Variants in INPP5F observed in about 807,000 individuals in gnomAD.
The protein encoded by INPP5F is phosphatidylinositide 4-phosphatase SAC2.
INPP5F carries 97 observed loss-of-function variants against 137.2 expected under a neutral mutation model. The observed-to-expected ratio is 0.71, with a 90% confidence interval of 0.60 to 0.84. INPP5F has a LOEUF of 0.84. INPP5F is among the 40% of genes least tolerant of loss of function. The pLI, the probability that INPP5F is intolerant of heterozygous loss-of-function variation, is 0.00. For synonymous variants in INPP5F, 504 were observed against 476.9 expected (o/e 1.06, Z -0.74); for missense variants, 1,271 against 1,371.9 (o/e 0.93, Z 1.16).
intron 19 of INPP5F, among the ~76,000 whole-genome samples, chr10:119,825,264 G>T (rs1166903054): frequency 6.6e-6 from 1 of 152,154 alleles, no homozygotes; most frequent in Admixed American, 6.5e-5. Context: ...AGCATCCTCA[G>T]GTTGTGAATC....
chr10:119,792,008 A>G lies in INPP5F; in HGVS notation c.584A>G (p.Glu195Gly). 1 of 1,614,212 alleles carries G rather than the reference A, an allele frequency of 6.2e-7. No homozygotes were observed. Among genetic ancestry groups the G allele is most frequent in the Non-Finnish European group, 8.5e-7 (1 of 1,180,046 alleles). ...TCCGTGCAGAGGCAGAGCACTGGGGAGAGGGACGGTCGGCCCCTCTGGCAG... is the reference window on the plus strand; with the variant it reads ...TCCGTGCAGAGGCAGAGCACTGGGGGGAGGGACGGTCGGCCCCTCTGGCAG... ...TNSVQRQSTGERDGRPLWQKV... is the reference protein window; with the variant it reads ...TNSVQRQSTGGRDGRPLWQKV... Residue 195 changes from glutamate to glycine, a missense_variant, in exon 5 of 20, where the codon GAG becomes GGG. By Grantham distance (98) the Glu-to-Gly change is moderately conservative (BLOSUM62 -2). Around this residue, in one of 6 missense-constraint regions of INPP5F, gnomAD observed 593 missense variants for 712.4 expected, o/e 0.83. Coordinates refer to ENST00000650623, the MANE Select transcript of INPP5F (RefSeq NM_014937.4).
intron 3 of INPP5F, among the ~76,000 whole-genome samples, chr10:119,782,015 G>T (rs1228742807): frequency 6.6e-6 from 1 of 152,148 alleles, no homozygotes; most frequent in East Asian, 1.9e-4. Context: ...AATCCCTGGG[G>T]CTCTGTCCAC....
chr10:119,763,638 A>G (rs1293986782), intron 2 of INPP5F, among the ~76,000 whole-genome samples: 1 of 152,138 alleles, frequency 6.6e-6, no homozygotes, highest in Admixed American at 6.5e-5. Context: ...TACTCTCCTT[A>G]TCAGAGGGAC....
intron 1 of INPP5F, among the ~76,000 whole-genome samples, chr10:119,731,624 A>G (rs771988689): frequency 2.0e-5 from 3 of 152,236 alleles, no homozygotes; most frequent in Non-Finnish European, 2.9e-5. Context: ...AGATGGTGCC[A>G]CTGTACTCCA....
chr10:119,784,746 T>G (rs1403586923), intron 3 of INPP5F, among the ~76,000 whole-genome samples: 3 of 152,246 alleles, frequency 2.0e-5, no homozygotes, highest in Admixed American at 2.0e-4. Flanking sequence ...AGTATGTAAG[T>G]CAATGGTTTT....
intron 1 of INPP5F, among the ~76,000 whole-genome samples, chr10:119,741,523 T>C (rs1589666834): frequency 6.6e-6 from 1 of 152,106 alleles, no homozygotes; most frequent in East Asian, 1.9e-4. Context: ...TTTATTTTTA[T>C]TTATTAATTT....
At chr10:119,803,135 C>T (rs911105686) in intron 9 of INPP5F, among the ~76,000 whole-genome samples, 1 of 152,024 alleles carries the variant, frequency 6.6e-6, no homozygotes, top group African/African-American at 2.4e-5. Context: ...TAGCACTTTG[C>T]TTTCTTACCT....
At chr10:119,811,727 T>C (rs1464017988) in intron 14 of INPP5F, 30 bp from the exon 15 acceptor site, 1 of 1,535,044 alleles carries the variant, frequency 6.5e-7, no homozygotes, top group Non-Finnish European at 8.9e-7. Flanking sequence ...TAAACTAAAA[T>C]GATGATAGAT....
intron 6 of INPP5F, among the ~76,000 whole-genome samples, chr10:119,795,624 TCC>T (rs1355078715): frequency 7.0e-6 from 1 of 142,340 alleles, no homozygotes; most frequent in Non-Finnish European, 1.5e-5. Context: ...GCTCCTCACA[TCC>T]CAGACGATGG....
intron 1 of INPP5F, among the ~76,000 whole-genome samples, chr10:119,727,006 G>T (rs1847914629): frequency 6.6e-6 from 1 of 152,208 alleles, no homozygotes; most frequent in Non-Finnish European, 1.5e-5. Context: ...TGTATTGTGG[G>T]TCCATGTTTG....
Position 119,796,815 on chromosome 10 carries a change from G to T in INPP5F, c.770G>T (p.Ser257Ile). 6.2e-7 allele frequency: 1 copy of T among 1,613,392 alleles called. No homozygotes were observed. The highest frequency in any genetic ancestry group is 8.5e-7 in the Non-Finnish European group (1 of 1,179,714). ...NYTESSDDEK[S>I]SPETPPQEST... The stretch of plus-strand genomic sequence containing the variant: ...ACCGAATCATCTGATGATGAGAAAA[G>T]CAGCCCAGAGACCCCCCCTCAGGAG... The change falls in exon 7 of 20, where the codon AGC becomes ATC. Residue 257 changes from serine to isoleucine, a missense_variant. Around this residue, in one of 6 missense-constraint regions of INPP5F, gnomAD observed 593 missense variants for 712.4 expected, o/e 0.83. Transcript: ENST00000650623.
At chr10:119,764,583 C>CTT (rs750705071) in intron 2 of INPP5F, among the ~76,000 whole-genome samples, 8 of 140,438 alleles carry the variant, frequency 5.7e-5, no homozygotes, top group African/African-American at 1.3e-4. Context: ...TTATGGTTTT[C>CTT]TTTTTTTTTT....
intron 2 of INPP5F, among the ~76,000 whole-genome samples, chr10:119,756,814 T>C (rs1848859091): frequency 7.0e-6 from 1 of 143,732 alleles, no homozygotes; most frequent in Non-Finnish European, 1.5e-5. Flanking sequence ...ACTATTTCTG[T>C]GCGTGTTATC....
At chr10:119,826,090 A>C (rs1424789884) in intron 19 of INPP5F, 1 of 397,726 alleles carries the variant, frequency 2.5e-6, no homozygotes, top group Admixed American at 4.4e-5. Flanking sequence ...TTTGAGCCAC[A>C]CTGGGATGTG....
At chr10:119,808,197 G>A in intron 13 of INPP5F, 137 bp downstream of exon 13, 3 of 1,012,846 alleles carry the variant, frequency 3.0e-6, no homozygotes, top group South Asian at 3.5e-5. Flanking sequence ...GTTGGCTAAG[G>A]CAGGGCCAGG....
rs934364946 is a variant in INPP5F at position 119,747,218 on chromosome 10, C to T, written c.98-3858C>T. ...TTAGATAAATTCTAAATTTTTAACTCAAAATTATTAATTTTTTTTTTTTGA... is the reference window on the plus strand; with the variant it reads ...TTAGATAAATTCTAAATTTTTAACTTAAAATTATTAATTTTTTTTTTTTGA... On this transcript the variant is annotated intron_variant, in intron 1 of 19. Transcript: ENST00000650623. Among the ~76,000 whole-genome samples the T allele has an allele frequency of 2.0e-5, 3 of 151,932 alleles. 1 individual carries two copies. The South Asian group carries it at 6.2e-4, about 32-fold the overall frequency.
At chr10:119,771,295 C>T (rs1204582460) in intron 2 of INPP5F, among the ~76,000 whole-genome samples, 1 of 152,074 alleles carries the variant, frequency 6.6e-6, no homozygotes, top group Non-Finnish European at 1.5e-5. Context: ...GCACTTCATT[C>T]CTTTATAGCT....
At chr10:119,807,263 A>T (rs1757323742) in intron 12 of INPP5F, among the ~76,000 whole-genome samples, 1 of 152,034 alleles carries the variant, frequency 6.6e-6, no homozygotes, top group Non-Finnish European at 1.5e-5. Flanking sequence ...ATAGAGTAAG[A>T]CTCTATCTTC....
chr10:119,808,060 G>C lies in INPP5F; in HGVS notation c.1569G>C (p.Lys523Asn), dbSNP rs754882673. Residue 523 changes from lysine (K) to asparagine (N), a missense_variant and splice_region_variant, in exon 13 of 20, where the codon AAG becomes AAC. By Grantham distance (94) the Lys-to-Asn change is moderately conservative. Transcript: ENST00000650623. ...SRQYAGTAALKGDFTRTGERK... is the reference protein window; with the variant it reads ...SRQYAGTAALNGDFTRTGERK... Reference sequence around the variant, plus strand: ...AGTATGCTGGGACAGCTGCTCTGAAGGTAAATACTTGCAGGAAGCATCTGT... The same window carrying C: ...AGTATGCTGGGACAGCTGCTCTGAACGTAAATACTTGCAGGAAGCATCTGT... 1 of 1,610,066 alleles carries C rather than the reference G, an allele frequency of 6.2e-7. No individual in the cohort carries two copies.
Sources: gnomAD v4.1 joint callset for allele counts (sites outside exome capture counted in the v4.1 genomes callset) on GRCh38, gnomAD v4.1.1 for gene constraint, gnomAD v4.1.1 regional missense constraint, MANE v1.5 for transcripts, NCBI Gene and HGNC (gene_info 2026-07-23, HGNC 2026-07-21) for gene names.